The following AFG2A variants were observed in gnomAD, a reference collection of about 807,000 sequenced individuals.
AFG2A encodes the protein AAA ATPase AFG2A, also known as ATPase family gene 2 protein homolog A.
At chr4:123,066,256 G>T in the AFG2A span, among the ~76,000 whole-genome samples, 2 of 152,084 alleles carry the variant, frequency 1.3e-5, no homozygotes, top group Non-Finnish European at 2.9e-5. Context: ...CCAGATTTGA[G>T]GTAAATTCAA....
the AFG2A span, among the ~76,000 whole-genome samples, chr4:123,290,565 G>C: frequency 6.6e-6 from 1 of 152,186 alleles, no homozygotes; most frequent in Admixed American, 6.5e-5. Context: ...ATTTACAAAA[G>C]AAAGAGGTTT....
the AFG2A span, among the ~76,000 whole-genome samples, chr4:122,997,640 C>A: frequency 1.3e-5 from 2 of 152,096 alleles, no homozygotes; most frequent in Non-Finnish European, 2.9e-5. Flanking sequence ...GCTTTTAATT[C>A]TTTAAGGTAC....
the AFG2A span, among the ~76,000 whole-genome samples, chr4:122,932,346 G>A: frequency 6.6e-6 from 1 of 151,776 alleles, no homozygotes; most frequent in Non-Finnish European, 1.5e-5. Context: ...ATGCCACCAC[G>A]TCTGGCTAGT....
chr4:123,270,488 T>C, the AFG2A span, among the ~76,000 whole-genome samples: 1 of 152,228 alleles, frequency 6.6e-6, no homozygotes, highest in African/African-American at 2.4e-5. Flanking sequence ...AGAAATGTAA[T>C]GAAGAAATAG....
the AFG2A span, among the ~76,000 whole-genome samples, chr4:123,046,069 C>T: frequency 0.047 from 7,007 of 149,302 alleles, 418 homozygotes; most frequent in African/African-American, 0.14. Flanking sequence ...TGCCCTCCAG[C>T]GTGGGTGATA....
the AFG2A span, among the ~76,000 whole-genome samples, chr4:123,048,592 A>G: frequency 6.6e-6 from 1 of 152,116 alleles, no homozygotes; most frequent in Admixed American, 6.6e-5. Context: ...TTGGTCAAAG[A>G]AAATTTATTC....
chr4:122,999,439 T>C, the AFG2A span, among the ~76,000 whole-genome samples: 5 of 152,134 alleles, frequency 3.3e-5, no homozygotes, highest in Non-Finnish European at 5.9e-5. Flanking sequence ...TTTATGGTTT[T>C]AGGTATAGCG....
chr4:123,056,297 T>G, the AFG2A span: 1 of 1,239,322 alleles, frequency 8.1e-7, no homozygotes, highest in Non-Finnish European at 1.1e-6. Flanking sequence ...GTTTATTTTC[T>G]CTTTTGTGTA....
chr4:123,062,274 A>G, the AFG2A span, among the ~76,000 whole-genome samples: 1 of 152,190 alleles, frequency 6.6e-6, no homozygotes, highest in Non-Finnish European at 1.5e-5. Context: ...TTTCATTGTT[A>G]TGTAAACATC....
chr4:123,261,961 T>G, the AFG2A span, among the ~76,000 whole-genome samples: 1 of 145,372 alleles, frequency 6.9e-6, no homozygotes, highest in Admixed American at 6.7e-5. Flanking sequence ...TTTAAAAAAA[T>G]TTGTAGACAT....
chr4:122,938,730 A>G, the AFG2A span, among the ~76,000 whole-genome samples: 3 of 152,036 alleles, frequency 2.0e-5, no homozygotes, highest in Non-Finnish European at 2.9e-5. Context: ...AGCTGGGACT[A>G]CAGGCATGCA....
chr4:123,115,677 A>G, the AFG2A span, among the ~76,000 whole-genome samples: 1 of 151,966 alleles, frequency 6.6e-6, no homozygotes, highest in Non-Finnish European at 1.5e-5. Flanking sequence ...TTCGCCTTGG[A>G]GTCCACCTGA....
the AFG2A span, among the ~76,000 whole-genome samples, chr4:122,973,746 A>G: frequency 6.6e-6 from 1 of 152,220 alleles, no homozygotes; most frequent in Non-Finnish European, 1.5e-5. Context: ...GACTGAGTGC[A>G]GCAGCATGAT....
the AFG2A span, among the ~76,000 whole-genome samples, chr4:123,304,931 A>G: frequency 6.6e-6 from 1 of 152,146 alleles, no homozygotes; most frequent in African/African-American, 2.4e-5. Flanking sequence ...CACACAAGAA[A>G]TTGCTGCATA....
At chr4:123,065,910 G>A in the AFG2A span, among the ~76,000 whole-genome samples, 2 of 152,076 alleles carry the variant, frequency 1.3e-5, no homozygotes, top group Non-Finnish European at 2.9e-5. Context: ...TTTATATAAT[G>A]TATTGGGGTA....
chr4:122,997,955 A>C, the AFG2A span, among the ~76,000 whole-genome samples: 7 of 152,236 alleles, frequency 4.6e-5, no homozygotes, highest in East Asian at 1.3e-3. Context: ...CTTTAGGGAA[A>C]TGTCTAGTCA....
At chr4:123,311,625 C>CAAAAAAAA in the AFG2A span, among the ~76,000 whole-genome samples, 29 of 92,212 alleles carry the variant, frequency 3.1e-4, no homozygotes, top group Non-Finnish European at 4.2e-4. Flanking sequence ...GACTCTGTCT[C>CAAAAAAAA]AAAAAAAAAA....
At chr4:123,261,044 A>G in the AFG2A span, among the ~76,000 whole-genome samples, 37 of 152,128 alleles carry the variant, frequency 2.4e-4, no homozygotes, top group Non-Finnish European at 4.7e-4. Flanking sequence ...TGTGCTCCCT[A>G]TGAGAATCTA....
At chr4:123,021,031 G>A in the AFG2A span, among the ~76,000 whole-genome samples, 3 of 151,960 alleles carry the variant, frequency 2.0e-5, no homozygotes, top group African/African-American at 4.8e-5. Flanking sequence ...TTTACTCTTC[G>A]CTAATTTTAT....
Sources: allele counts gnomAD v4.1 joint callset (sites outside exome capture counted in the v4.1 genomes callset), GRCh38; gene constraint gnomAD v4.1.1; transcripts MANE v1.5; gene names NCBI Gene and HGNC (gene_info 2026-07-23, HGNC 2026-07-21).